Variants in SLC44A1 observed in about 807,000 individuals in gnomAD.
SLC44A1 encodes the protein choline transporter-like protein 1.
A neutral mutation model predicts 79.3 loss-of-function variants in SLC44A1; 26 were observed. The ratio of observed to expected loss-of-function variants is 0.33; its 90% CI spans 0.24 to 0.46. The LOEUF (loss-of-function observed/expected upper bound fraction) is 0.46. Among genes scored for constraint, SLC44A1 ranks in the 20% least tolerant of loss-of-function variants. The probability of loss-of-function intolerance (pLI) is 1.00; values close to 1 mark genes in which losing one functional copy is unlikely to be tolerated. For missense variants in SLC44A1, 688 were observed against 798.1 expected (o/e 0.86, Z 1.66); for synonymous variants, 263 against 286.2 (o/e 0.92, Z 0.82).
intron 4 of SLC44A1, among the ~76,000 whole-genome samples, chr9:105,342,777 G>A (rs1827136375): frequency 6.6e-6 from 1 of 152,108 alleles, no homozygotes; most frequent in Admixed American, 6.6e-5. Flanking sequence ...GCCATGGACT[G>A]CACCAGATGC....
intron 1 of SLC44A1, among the ~76,000 whole-genome samples, chr9:105,275,176 A>C (rs1830170158): frequency 6.6e-6 from 1 of 152,232 alleles, no homozygotes; most frequent in Non-Finnish European, 1.5e-5. Flanking sequence ...TTTAAGAAAC[A>C]ACTATACAAC....
Position 105,390,724 on chromosome 9 carries a change from GT to G in SLC44A1, c.*1670del, listed in dbSNP as rs1828744747. 1.0e-6 allele frequency: 1 copy of G among 985,372 alleles called. No individual in the cohort carries two copies. Among genetic ancestry groups the G allele is most frequent in the African/African-American group, 1.7e-5 (1 of 57,180 alleles). The allele number at this position is 985,372 out of a possible 1,614,324, so 61.0% of individuals were successfully genotyped here. A position where few individuals can be genotyped will look rare whatever the true frequency, so the allele number is the denominator to read the frequency against. ...CTAAATGCCTTGGTTTCTTTTAAAAGTTCATGTAATATTTCTGATTTTTCAG... is the reference window on the plus strand; with the variant it reads ...CTAAATGCCTTGGTTTCTTTTAAAAGTCATGTAATATTTCTGATTTTTCAG... On this transcript the variant is annotated 3_prime_UTR_variant, in exon 16 of 16. Transcript: ENST00000374720.
At chr9:105,298,089 G>A (rs1236192092) in intron 1 of SLC44A1, among the ~76,000 whole-genome samples, 1 of 151,200 alleles carries the variant, frequency 6.6e-6, no homozygotes, top group Non-Finnish European at 1.5e-5. Context: ...GCTGACCCGA[G>A]ATCCTAAGAC....
intron 6 of SLC44A1, among the ~76,000 whole-genome samples, chr9:105,356,793 T>C (rs1299714145): frequency 1.3e-5 from 2 of 152,176 alleles, no homozygotes; most frequent in African/African-American, 4.8e-5. Context: ...TAGATTACTT[T>C]TGAAGTATGT....
chr9:105,300,820 A>G (rs1830858646), intron 2 of SLC44A1, among the ~76,000 whole-genome samples: 1 of 150,694 alleles, frequency 6.6e-6, no homozygotes, highest in Non-Finnish European at 1.5e-5. Flanking sequence ...CTTGTTGCCC[A>G]TGCTGGAGTG....
downstream of SLC44A1, among the ~76,000 whole-genome samples, chr9:105,400,681 G>A (rs1347994531): frequency 6.6e-6 from 1 of 151,976 alleles, no homozygotes; most frequent in Admixed American, 6.6e-5. Flanking sequence ...TTATTAAAAT[G>A]GATTAAAAAA....
chr9:105,278,397 C>T (rs563598343), intron 1 of SLC44A1, among the ~76,000 whole-genome samples: 8 of 152,250 alleles, frequency 5.3e-5, no homozygotes, highest in East Asian at 3.9e-4. Context: ...TACGGGCGCC[C>T]GCCACCACGC....
chr9:105,400,425 G>T (rs1451954169), downstream of SLC44A1, among the ~76,000 whole-genome samples: 1 of 151,700 alleles, frequency 6.6e-6, no homozygotes, highest in Non-Finnish European at 1.5e-5. Flanking sequence ...CGAGGTGGAG[G>T]TTGCAGTGAG....
At chr9:105,421,932 A>AT (rs1222091644) in intron 15 of SLC44A1, among the ~76,000 whole-genome samples, 2 of 152,170 alleles carry the variant, frequency 1.3e-5, no homozygotes, top group Non-Finnish European at 1.5e-5. Flanking sequence ...CATTGTCAGT[A>AT]TTTTTCAGTC....
At position 105,383,265 on chromosome 9, in the gene SLC44A1, T is replaced by C. The variant is rs781587868; in HGVS notation, c.1775T>C (p.Met592Thr). 18 of 1,613,772 alleles carry C rather than the reference T, an allele frequency of 1.1e-5. No individual in the cohort carries two copies. In the South Asian group the frequency reaches 1.5e-4, roughly 14 times the overall value. The change falls in exon 14 of 16, where the codon ATG (methionine) becomes ACG (threonine). Residue 592 changes from methionine to threonine, a missense_variant. By Grantham distance (81) the Met-to-Thr change is moderately conservative (BLOSUM62 -1). Transcript: ENST00000374720. ...VAHCFLSIYE[M>T]VVDVLFLCFA... is the part of the protein sequence containing the mutation. ...CATTGCTTCCTGTCTATTTATGAAA[T>C]GGTAGTGGATGTATTATTCTTGTGT...
chr9:105,437,486 A>G (rs1278729762), intron 15 of SLC44A1, among the ~76,000 whole-genome samples: 2 of 152,192 alleles, frequency 1.3e-5, no homozygotes, highest in East Asian at 3.9e-4. Flanking sequence ...CTCTCTATAT[A>G]TATACACACA....
chr9:105,318,667 T>C (rs1167897430), intron 3 of SLC44A1, among the ~76,000 whole-genome samples: 2 of 152,160 alleles, frequency 1.3e-5, no homozygotes, highest in Non-Finnish European at 2.9e-5. Context: ...AGTGCATTTC[T>C]GCCTTTAGGA....
intron 14 of SLC44A1, 141 bp downstream of exon 14, chr9:105,383,500 AG>A (rs1335637785): frequency 1.6e-6 from 1 of 626,828 alleles, no homozygotes; most frequent in Non-Finnish European, 2.8e-6. Flanking sequence ...CTCATAAATG[AG>A]GTTAATCTAG....
intron 1 of SLC44A1, among the ~76,000 whole-genome samples, chr9:105,295,731 G>C (rs1830705545): frequency 1.3e-5 from 2 of 151,818 alleles, no homozygotes; most frequent in African/African-American, 4.8e-5. Context: ...ATTGGAATAG[G>C]CTTTGGAGTC....
intron 1 of SLC44A1, among the ~76,000 whole-genome samples, chr9:105,268,311 G>T (rs921279627): frequency 6.6e-6 from 1 of 152,056 alleles, no homozygotes; most frequent in African/African-American, 2.4e-5. Context: ...ACTGGCTCGG[G>T]ATTCAGCTTT....
At chr9:105,249,733 C>A (rs1196628816) in intron 1 of SLC44A1, among the ~76,000 whole-genome samples, 1 of 151,126 alleles carries the variant, frequency 6.6e-6, no homozygotes, top group East Asian at 1.9e-4. Context: ...CGAGTTTTCA[C>A]CATGTTGGCC....
chr9:105,356,001 A>G, intron 5 of SLC44A1: 1 of 553,038 alleles, frequency 1.8e-6, no homozygotes, highest in Non-Finnish European at 3.2e-6. Flanking sequence ...CATGCACTCC[A>G]CCCTCTTTGA....
intron 1 of SLC44A1, among the ~76,000 whole-genome samples, chr9:105,283,503 A>C (rs1830405884): frequency 6.6e-6 from 1 of 152,146 alleles, no homozygotes; most frequent in African/African-American, 2.4e-5. Flanking sequence ...TTTAAAGTGT[A>C]CTCTTCTCTT....
At chr9:105,398,202 GTTC>G (rs954477553), downstream of SLC44A1, among the ~76,000 whole-genome samples, 28 of 152,290 alleles carry the variant, frequency 1.8e-4, no homozygotes, top group African/African-American at 6.3e-4. Flanking sequence ...AGGAAGGGAT[GTTC>G]TTCTTAAGTG....
Sources: gnomAD v4.1 joint callset for allele counts (sites outside exome capture counted in the v4.1 genomes callset) on GRCh38, gnomAD v4.1.1 for gene constraint, MANE v1.5 for transcripts, NCBI Gene and HGNC (gene_info 2026-07-23, HGNC 2026-07-21) for gene names.